Variants in UNC13C observed in about 807,000 individuals in gnomAD.
UNC13C encodes the protein protein unc-13 homolog C.
Under a neutral mutation model 245.4 loss-of-function variants are expected in UNC13C, and 174 were observed. That is an observed-to-expected ratio of 0.71 (90% confidence interval 0.63 to 0.80). The LOEUF (loss-of-function observed/expected upper bound fraction) is 0.80, where lower values mean the gene tolerates loss of function less well. UNC13C is among the 30% of genes least tolerant of loss of function. The pLI is 0.00. For missense variants in UNC13C, 2,829 were observed against 2,602.9 expected (o/e 1.09, Z -1.89); for synonymous variants, 992 against 895.1 (o/e 1.11, Z -1.93).
intron 30 of UNC13C, among the ~76,000 whole-genome samples, chr15:54,583,797 G>A (rs1162669853): frequency 6.6e-6 from 1 of 152,058 alleles, no homozygotes; most frequent in African/African-American, 2.4e-5. Context: ...GCTCTTCATC[G>A]CACTGACCCA....
At chr15:53,929,357 A>G in the UNC13C span, among the ~76,000 whole-genome samples, 14 of 152,288 alleles carry the variant, frequency 9.2e-5, no homozygotes, top group East Asian at 1.7e-3. Flanking sequence ...CAGCCAAACC[A>G]TATCATTTTT....
chr15:54,114,006 A>G (rs2030024375), intron 2 of UNC13C, among the ~76,000 whole-genome samples: 2 of 152,108 alleles, frequency 1.3e-5, no homozygotes, highest in South Asian at 2.1e-4. Context: ...TACTTTGTGC[A>G]TTTACTCAGG....
chr15:54,120,576 A>G (rs796398416), intron 2 of UNC13C, among the ~76,000 whole-genome samples: 10 of 152,230 alleles, frequency 6.6e-5, no homozygotes, highest in African/African-American at 2.2e-4. Context: ...TTGACTCTCA[A>G]GTCTCATTAT....
intron 13 of UNC13C, chr15:54,320,819 A>G: frequency 3.1e-6 from 1 of 323,036 alleles, no homozygotes; most frequent in Non-Finnish European, 6.0e-6. Flanking sequence ...CTCCATGACC[A>G]CAGGAACTAG....
chr15:54,622,484 C>A, intron 31 of UNC13C, 65 bp downstream of exon 31: 1 of 1,200,654 alleles, frequency 8.3e-7, no homozygotes, highest in Non-Finnish European at 1.2e-6. Flanking sequence ...CTGATATCAG[C>A]AATGTAACTT....
At chr15:53,901,589 T>C in the UNC13C span, among the ~76,000 whole-genome samples, 2 of 152,284 alleles carry the variant, frequency 1.3e-5, no homozygotes, top group African/African-American at 2.4e-5. Context: ...TATAGACAAT[T>C]AGGTTGCTTC....
At position 54,040,161 on chromosome 15, in the gene UNC13C, A is replaced by G. The variant is rs537721202; in HGVS notation, c.2983+24275A>G. ...TATGTTCTTCTAGTTTACCAGGCTC[A>G]TTCCTATGGGTAGGTTTCTCCCAGA... On this transcript the variant is annotated intron_variant, in intron 2 of 32. Transcript: ENST00000260323. 2.0e-5 allele frequency among the ~76,000 whole-genome samples: 3 copies of G among 152,292 alleles called. No individual in the cohort carries two copies. The East Asian group carries it at 5.8e-4, about 29-fold the overall frequency.
At chr15:53,903,623 A>G in the UNC13C span, among the ~76,000 whole-genome samples, 1 of 152,200 alleles carries the variant, frequency 6.6e-6, no homozygotes. Flanking sequence ...AGGTGTTCAC[A>G]ATGATCAGAT....
chr15:54,583,078 C>T (rs1056539208), intron 30 of UNC13C, among the ~76,000 whole-genome samples: 1 of 152,022 alleles, frequency 6.6e-6, no homozygotes, highest in African/African-American at 2.4e-5. Context: ...TTATAATAAG[C>T]TCTCAGGCAC....
rs1398094003 is a variant in UNC13C, at chr15:54,012,808, AC to A, written c.-95del. 9 of 967,268 alleles carry A rather than the reference AC, an allele frequency of 9.3e-6. No homozygotes were observed. The East Asian group carries it at 2.2e-4, about 24-fold the overall frequency. 59.9% of individuals were successfully genotyped at this position (967,268 alleles called of 1,614,324 possible). ...CCTGCTCTTTCCAGTGATTCACAGA[AC>A]TTCTGAACAGTGATGCTTGCCTTGG... On this transcript the variant is annotated 5_prime_UTR_variant, in exon 2 of 33. It removes the in-frame stop codon of an upstream open reading frame in the 5' UTR. Coordinates refer to ENST00000260323, the MANE Select transcript of UNC13C (RefSeq NM_001080534.3).
the UNC13C span, among the ~76,000 whole-genome samples, chr15:53,964,446 A>G: frequency 8.5e-5 from 13 of 152,190 alleles, no homozygotes; most frequent in Non-Finnish European, 1.8e-4. Context: ...GGTGTCAACC[A>G]AAAGTAGATA....
the UNC13C span, among the ~76,000 whole-genome samples, chr15:53,905,474 A>T: frequency 1.3e-5 from 2 of 151,886 alleles, no homozygotes; most frequent in Non-Finnish European, 2.9e-5. Flanking sequence ...AATCCTGAAC[A>T]TGAATGAACC....
chr15:54,510,099 A>G (rs1199063780), intron 23 of UNC13C, among the ~76,000 whole-genome samples: 2 of 152,168 alleles, frequency 1.3e-5, no homozygotes, highest in Non-Finnish European at 2.9e-5. Flanking sequence ...GACAATAAAG[A>G]TTAGCTTGAA....
At chr15:54,510,123 T>C (rs944387887) in intron 23 of UNC13C, among the ~76,000 whole-genome samples, 2 of 152,152 alleles carry the variant, frequency 1.3e-5, no homozygotes, top group Non-Finnish European at 2.9e-5. Flanking sequence ...TAATATCAAA[T>C]AATCTAAGAA....
intron 30 of UNC13C, among the ~76,000 whole-genome samples, chr15:54,601,673 T>C (rs1372428068): frequency 6.6e-6 from 1 of 152,294 alleles, no homozygotes; most frequent in Non-Finnish European, 1.5e-5. Flanking sequence ...TTTTTTCCCT[T>C]TGGGGACCTG....
chr15:53,914,157 T>A, the UNC13C span: 1 of 152,090 alleles, frequency 6.6e-6, no homozygotes, highest in African/African-American at 2.4e-5. Context: ...CAAACCTGTG[T>A]ATAAAACCTG....
intron 29 of UNC13C, among the ~76,000 whole-genome samples, chr15:54,558,595 AAAT>A (rs763818713): frequency 8.5e-5 from 13 of 152,076 alleles, no homozygotes; most frequent in African/African-American, 1.2e-4. Flanking sequence ...TAACTTTTCT[AAAT>A]ATTAAAACTT....
At chr15:54,373,714 T>G (rs890345754) in intron 17 of UNC13C, among the ~76,000 whole-genome samples, 7 of 152,320 alleles carry the variant, frequency 4.6e-5, no homozygotes, top group African/African-American at 1.7e-4. Context: ...TCTTCTCTTT[T>G]CCTCTCTTCT....
At chr15:54,146,957 T>A (rs2032286111) in intron 4 of UNC13C, among the ~76,000 whole-genome samples, 1 of 152,150 alleles carries the variant, frequency 6.6e-6, no homozygotes, top group Non-Finnish European at 1.5e-5. Context: ...TTCAGACAAA[T>A]GCAGAGGAAA....
Sources: allele counts gnomAD v4.1 joint callset (sites outside exome capture counted in the v4.1 genomes callset), GRCh38; gene constraint gnomAD v4.1.1; transcripts MANE v1.5; gene names NCBI Gene and HGNC (gene_info 2026-07-23, HGNC 2026-07-21).